Variants in LMNTD1 observed in about 807,000 individuals in gnomAD.
LMNTD1 encodes the protein lamin tail domain-containing protein 1.
A neutral mutation model predicts 50.9 loss-of-function variants in LMNTD1; 35 were observed. The observed-to-expected ratio is 0.69, with a 90% CI of 0.53 to 0.91. The LOEUF (loss-of-function observed/expected upper bound fraction) is 0.91. Ranked by LOEUF, LMNTD1 falls within the 40% of genes least tolerant of loss-of-function variation. LMNTD1 has a pLI of 0.00. For missense variants in LMNTD1, 470 were observed against 475.5 expected, an observed-to-expected ratio of 0.99 and a Z score of 0.11; for synonymous variants, 153 against 161.9, an observed-to-expected ratio of 0.94 and a Z score of 0.42.
In LMNTD1 at chr12:25,526,913, A is replaced by T; in HGVS notation, c.534T>A (p.Gly178=). Residue 178 remains glycine, a synonymous_variant, in exon 5 of 10, where the codon GGT becomes GGA. Coordinates refer to ENST00000458174, the MANE Select transcript of LMNTD1 (RefSeq NM_001145728.2). ...DVEIAEVNVK[G]LFVKLINSSL... is the part of the protein sequence containing the mutation. ...AAGAGTTAATGAGCTTCACGAACAA[A>T]CCCTTGACATTCACTTCAGCTATTT... 1 of 1,611,372 alleles carries T rather than the reference A, an allele frequency of 6.2e-7. No individual in the cohort carries two copies. The highest frequency in any genetic ancestry group is 8.5e-7 in the Non-Finnish European group (1 of 1,178,812).
intron 1 of LMNTD1, among the ~76,000 whole-genome samples, chr12:25,619,538 G>A (rs1946429913): frequency 1.3e-5 from 2 of 152,108 alleles, no homozygotes; most frequent in Non-Finnish European, 2.9e-5. Context: ...TTTCTTGCCT[G>A]CATTTGCTCT....
At chr12:25,528,827 C>A (rs1942006757) in intron 4 of LMNTD1, among the ~76,000 whole-genome samples, 1 of 152,142 alleles carries the variant, frequency 6.6e-6, no homozygotes, top group African/African-American at 2.4e-5. Flanking sequence ...TTAACACCAA[C>A]TTCTCCCTCT....
chr12:25,607,253 A>C (rs879071739), intron 1 of LMNTD1, among the ~76,000 whole-genome samples: 128 of 152,160 alleles, frequency 8.4e-4, no homozygotes, highest in African/African-American at 2.9e-3. Flanking sequence ...CTAGCAGTCT[A>C]TCAACTTTGT....
intron 1 of LMNTD1, among the ~76,000 whole-genome samples, chr12:25,571,647 G>A (rs2136358386): frequency 6.6e-6 from 1 of 151,630 alleles, no homozygotes; most frequent in South Asian, 2.1e-4. Flanking sequence ...ACAGGCATGA[G>A]CTACCATTCC....
At chr12:25,628,507 A>G (rs1306901004) in intron 1 of LMNTD1, among the ~76,000 whole-genome samples, 3 of 152,180 alleles carry the variant, frequency 2.0e-5, no homozygotes, top group African/African-American at 7.2e-5. Flanking sequence ...AGATGTTTAC[A>G]TACTAATTCC....
chr12:25,480,218 T>C (rs1003162482), intron 9 of LMNTD1, among the ~76,000 whole-genome samples: 2 of 152,242 alleles, frequency 1.3e-5, no homozygotes, highest in African/African-American at 4.8e-5. Flanking sequence ...GTTGTATGGT[T>C]TGTGCAGTGT....
intron 1 of LMNTD1, among the ~76,000 whole-genome samples, chr12:25,642,960 A>G (rs1280735016): frequency 6.6e-6 from 1 of 152,230 alleles, no homozygotes; most frequent in Non-Finnish European, 1.5e-5. Context: ...TTTCGATATT[A>G]GAGGTCAGTA....
chr12:25,528,218 T>G (rs1489256904), intron 4 of LMNTD1, among the ~76,000 whole-genome samples: 1 of 152,200 alleles, frequency 6.6e-6, no homozygotes, highest in Non-Finnish European at 1.5e-5. Flanking sequence ...AGGAACACTG[T>G]ATTATCTCAT....
intron 1 of LMNTD1, among the ~76,000 whole-genome samples, chr12:25,596,700 A>T (rs1945851580): frequency 1.3e-5 from 2 of 152,122 alleles, no homozygotes; most frequent in Admixed American, 1.3e-4. Context: ...GATTTTGATG[A>T]TCAAAAAGAA....
At chr12:25,559,732 G>T (rs559286981) in intron 1 of LMNTD1, among the ~76,000 whole-genome samples, 2 of 152,106 alleles carry the variant, frequency 1.3e-5, no homozygotes, top group East Asian at 1.9e-4. Flanking sequence ...TTTAATGATC[G>T]CCATTCTAAC....
chr12:25,640,367 G>T (rs780446738), intron 1 of LMNTD1, among the ~76,000 whole-genome samples: 1 of 151,792 alleles, frequency 6.6e-6, no homozygotes, highest in African/African-American at 2.4e-5. Context: ...AAAATTAGCC[G>T]GGCATGGCAT....
chr12:25,556,018 G>A (rs12818715), upstream of LMNTD1, among the ~76,000 whole-genome samples: 92,213 of 143,974 alleles, frequency 0.64, 30,296 homozygotes, highest in Non-Finnish European at 0.71. Context: ...TGTCATCCAG[G>A]CTGGAGTGCA....
At chr12:25,639,475 C>A (rs1331659403) in intron 1 of LMNTD1, among the ~76,000 whole-genome samples, 2 of 151,874 alleles carry the variant, frequency 1.3e-5, no homozygotes, top group Admixed American at 6.6e-5. Flanking sequence ...AAAAGACAAA[C>A]AATGCAATTT....
intron 8 of LMNTD1, among the ~76,000 whole-genome samples, chr12:25,516,870 A>G (rs567371441): frequency 6.6e-6 from 1 of 151,874 alleles, no homozygotes; most frequent in East Asian, 1.9e-4. Context: ...AGAAAAAAAC[A>G]AACAATGCCA....
At chr12:25,607,693 G>A (rs1946145571) in intron 1 of LMNTD1, among the ~76,000 whole-genome samples, 1 of 152,214 alleles carries the variant, frequency 6.6e-6, no homozygotes, top group Non-Finnish European at 1.5e-5. Context: ...ACTGTGGTCT[G>A]AGAGACAGTT....
chr12:25,584,316 C>T (rs1249451935), intron 1 of LMNTD1, among the ~76,000 whole-genome samples: 2 of 152,118 alleles, frequency 1.3e-5, no homozygotes, highest in Non-Finnish European at 2.9e-5. Flanking sequence ...GTGGTTGACC[C>T]AAGGTTGTCT....
rs563874639 is a variant in LMNTD1, at chr12:25,500,879, A to G, written c.*22+2859T>C. Among the ~76,000 whole-genome samples, 4 of 152,340 alleles carry G rather than the reference A, an allele frequency of 2.6e-5. 1 individual carries two copies. The East Asian group carries it at 7.7e-4, about 29-fold the overall frequency. On this transcript the variant is annotated intron_variant, in intron 9 of 9. Transcript: ENST00000458174. The stretch of plus-strand genomic sequence containing the variant: ...TTGTAAGGTACTGAGTAAGGAGAGC[A>G]TTTGAGAGCCTGACTCTGAGCACAT...
At chr12:25,544,474 T>C (rs1291210251) in intron 4 of LMNTD1, among the ~76,000 whole-genome samples, 1 of 151,796 alleles carries the variant, frequency 6.6e-6, no homozygotes, top group Non-Finnish European at 1.5e-5. Context: ...GGGTTTCTTC[T>C]AGGCAGCATA....
At chr12:25,542,500 TC>T (rs1943154639) in intron 4 of LMNTD1, among the ~76,000 whole-genome samples, 1 of 140,090 alleles carries the variant, frequency 7.1e-6, no homozygotes, top group Non-Finnish European at 1.5e-5. Flanking sequence ...ATATTCTCAC[TC>T]ATAGGTGGGA....
Sources: allele counts gnomAD v4.1 joint callset (sites outside exome capture counted in the v4.1 genomes callset), GRCh38; gene constraint gnomAD v4.1.1; transcripts MANE v1.5; gene names NCBI Gene and HGNC (gene_info 2026-07-23, HGNC 2026-07-21).